Variants in MMP16 observed in about 807,000 individuals in gnomAD.
MMP16 encodes matrix metalloproteinase-16.
In MMP16, 12 loss-of-function variants were observed where a neutral mutation model predicts 67.8. The ratio of observed to expected loss-of-function variants is 0.18; its 90% confidence interval spans 0.11 to 0.29. The LOEUF (loss-of-function observed/expected upper bound fraction) is 0.29, where lower values mean the gene tolerates loss of function less well. Ranked by LOEUF, MMP16 falls within the 10% of genes least tolerant of loss-of-function variation. MMP16 has a pLI of 1.00. For missense variants in MMP16, 475 were observed against 765.7 expected (o/e 0.62, Z 4.48); for synonymous variants, 249 against 255.9 (o/e 0.97, Z 0.26).
At chr8:88,264,496 C>A (rs1266771456) in intron 1 of MMP16, among the ~76,000 whole-genome samples, 12 of 152,168 alleles carry the variant, frequency 7.9e-5, no homozygotes, top group African/African-American at 2.9e-4. Context: ...CAGCCATGCC[C>A]AGCTACAAGT....
intron 1 of MMP16, among the ~76,000 whole-genome samples, chr8:88,321,494 C>A (rs139018280): frequency 3.3e-5 from 5 of 152,240 alleles, no homozygotes; most frequent in Admixed American, 2.6e-4. Flanking sequence ...TTTAAAATTA[C>A]GTATCATTTG....
intron 1 of MMP16, among the ~76,000 whole-genome samples, chr8:88,280,732 A>G (rs1198999621): frequency 6.6e-6 from 1 of 152,154 alleles, no homozygotes; most frequent in Non-Finnish European, 1.5e-5. Context: ...AATTAACAAA[A>G]AAAATTAGCC....
chr8:88,036,585 G>A lies in MMP16; in HGVS notation c.*4876C>T, dbSNP rs1808057293. 6.6e-6 allele frequency: 1 copy of A among 151,734 alleles called. No individual in the cohort carries two copies. Among genetic ancestry groups the A allele is most frequent in the South Asian group, 2.1e-4 (1 of 4,820 alleles). The allele number at this position is 151,734 out of a possible 1,614,324, so 9.4% of individuals were successfully genotyped here. On this transcript the variant is annotated 3_prime_UTR_variant, in exon 10 of 10. Coordinates refer to ENST00000286614, the MANE Select transcript of MMP16 (RefSeq NM_005941.5). ...GCAACGTGGAGCCTGTAACTTAACT[G>A]CATATGCTCTGGCACCTATTTCCTG...
chr8:88,178,135 T>G (rs747815585), intron 3 of MMP16, among the ~76,000 whole-genome samples: 19 of 152,276 alleles, frequency 1.2e-4, no homozygotes, highest in Non-Finnish European at 2.5e-4. Flanking sequence ...TTACTCAATA[T>G]CTTCCCACTT....
chr8:88,306,299 AC>A (rs1369875725), intron 1 of MMP16, among the ~76,000 whole-genome samples: 1 of 152,182 alleles, frequency 6.6e-6, no homozygotes, highest in African/African-American at 2.4e-5. Context: ...TAAATAGCCT[AC>A]CAACAACAAA....
At chr8:88,317,624 A>G (rs1401393442) in intron 1 of MMP16, among the ~76,000 whole-genome samples, 3 of 152,192 alleles carry the variant, frequency 2.0e-5, no homozygotes, top group Non-Finnish European at 4.4e-5. Context: ...TACTTCCTTC[A>G]GAGGAAGTGA....
chr8:88,043,435 C>T (rs1444964738), intron 9 of MMP16, among the ~76,000 whole-genome samples: 1 of 152,118 alleles, frequency 6.6e-6, no homozygotes, highest in East Asian at 1.9e-4. Flanking sequence ...AGGCATATGC[C>T]ACCATGCCTA....
intron 3 of MMP16, among the ~76,000 whole-genome samples, chr8:88,172,864 A>G (rs373250764): frequency 5.3e-5 from 8 of 152,174 alleles, no homozygotes; most frequent in African/African-American, 1.9e-4. Flanking sequence ...ACAATCTTAC[A>G]TAACAAAACC....
chr8:88,186,203 T>C (rs1809069575), intron 3 of MMP16: 1 of 295,512 alleles, frequency 3.4e-6, no homozygotes, highest in South Asian at 1.4e-4. Flanking sequence ...ATGTAATATG[T>C]TAGAACATTC....
intron 1 of MMP16, among the ~76,000 whole-genome samples, chr8:88,247,286 A>T (rs1810128587): frequency 6.6e-6 from 1 of 152,184 alleles, no homozygotes; most frequent in African/African-American, 2.4e-5. Flanking sequence ...TCAAGTATAA[A>T]TATTCCACAG....
At chr8:88,044,773 T>A (rs1808177518) in intron 9 of MMP16, among the ~76,000 whole-genome samples, 1 of 152,222 alleles carries the variant, frequency 6.6e-6, no homozygotes, top group Non-Finnish European at 1.5e-5. Context: ...GCAGTGCCTC[T>A]GTGTTCTATT....
intron 7 of MMP16, among the ~76,000 whole-genome samples, chr8:88,070,470 A>G (rs1808534106): frequency 6.6e-6 from 1 of 151,986 alleles, no homozygotes; most frequent in Non-Finnish European, 1.5e-5. Context: ...TTTTGTTCCC[A>G]CTGATTGGTT....
chr8:88,303,588 G>C (rs1811166355), intron 1 of MMP16, among the ~76,000 whole-genome samples: 1 of 152,174 alleles, frequency 6.6e-6, no homozygotes, highest in South Asian at 2.1e-4. Context: ...ACCCCCCTGG[G>C]ACAGAGCCTT....
intron 3 of MMP16, among the ~76,000 whole-genome samples, chr8:88,169,598 C>A (rs1332235685): frequency 6.6e-6 from 1 of 152,056 alleles, no homozygotes; most frequent in South Asian, 2.1e-4. Flanking sequence ...ATTATATTTA[C>A]ATTGATTATT....
intron 1 of MMP16, among the ~76,000 whole-genome samples, chr8:88,322,686 G>T (rs1811479140): frequency 6.6e-6 from 1 of 151,266 alleles, no homozygotes; most frequent in Non-Finnish European, 1.5e-5. Flanking sequence ...AAAAAAAAAA[G>T]AAAAAAGAAA....
intron 1 of MMP16, among the ~76,000 whole-genome samples, chr8:88,316,655 G>A (rs1216940225): frequency 6.6e-6 from 1 of 152,166 alleles, no homozygotes; most frequent in Non-Finnish European, 1.5e-5. Context: ...AGATGTATAA[G>A]GAGATTACTG....
chr8:88,147,219 T>C (rs1218617104), intron 4 of MMP16, among the ~76,000 whole-genome samples: 1 of 152,096 alleles, frequency 6.6e-6, no homozygotes. Flanking sequence ...GGTTTTCTTC[T>C]ATTGTTACCT....
Position 88,037,274 on chromosome 8 carries a change from A to G in MMP16, c.*4187T>C, listed in dbSNP as rs1364225118. 1 of 151,598 alleles carries G rather than the reference A, an allele frequency of 6.6e-6. No individual in the cohort carries two copies. The highest frequency in any genetic ancestry group is 1.9e-4 in the East Asian group (1 of 5,180). 9.4% of individuals were successfully genotyped at this position (151,598 alleles called of 1,614,324 possible). ...TTTTTTAATGACCCACAGAGAGGGA[A>G]TGAAAATAGGTACACAGTATATGAA... On this transcript the variant is annotated 3_prime_UTR_variant, in exon 10 of 10. Coordinates refer to ENST00000286614, the MANE Select transcript of MMP16 (RefSeq NM_005941.5).
chr8:88,164,974 T>C (rs1434180996), intron 4 of MMP16, among the ~76,000 whole-genome samples: 1 of 151,766 alleles, frequency 6.6e-6, no homozygotes, highest in Non-Finnish European at 1.5e-5. Flanking sequence ...CACACTCAAA[T>C]CAGTGTAAAC....
Sources: gnomAD v4.1 joint callset for allele counts (sites outside exome capture counted in the v4.1 genomes callset) on GRCh38, gnomAD v4.1.1 for gene constraint, MANE v1.5 for transcripts, NCBI Gene and HGNC (gene_info 2026-07-23, HGNC 2026-07-21) for gene names.